Variants in SLC24A2 observed in about 807,000 individuals in gnomAD.
SLC24A2 encodes the protein solute carrier family 24 member 2.
Under a neutral mutation model 62.0 loss-of-function variants are expected in SLC24A2, and 36 were observed. That is an observed-to-expected ratio of 0.58 (90% confidence interval 0.44 to 0.77). The LOEUF (loss-of-function observed/expected upper bound fraction) is 0.77. Ranked by LOEUF, SLC24A2 falls within the 30% of genes least tolerant of loss-of-function variation. The pLI, the probability that SLC24A2 is intolerant of heterozygous loss-of-function variation, is 0.00. For synonymous variants in SLC24A2, 358 were observed against 294.0 expected (o/e 1.22, Z -2.23); for missense variants, 846 against 817.9 (o/e 1.03, Z -0.42).
chr9:19,983,849 C>T, the SLC24A2 span, among the ~76,000 whole-genome samples: 7 of 152,102 alleles, frequency 4.6e-5, no homozygotes, highest in African/African-American at 1.7e-4. Flanking sequence ...CAAAACATTG[C>T]TGAAATAAAT....
chr9:19,691,910 C>T (rs1357690242), intron 2 of SLC24A2, among the ~76,000 whole-genome samples: 4 of 152,086 alleles, frequency 2.6e-5, no homozygotes, highest in Middle Eastern at 3.2e-3. Context: ...TCTACCCCTC[C>T]CCTCTGCTCA....
At chr9:19,852,079 C>A in the SLC24A2 span, among the ~76,000 whole-genome samples, 1 of 152,184 alleles carries the variant, frequency 6.6e-6, no homozygotes, top group Non-Finnish European at 1.5e-5. Flanking sequence ...CTCTAATGAT[C>A]AGTGACGTTG....
the SLC24A2 span, among the ~76,000 whole-genome samples, chr9:20,189,150 G>T: frequency 6.7e-6 from 1 of 149,162 alleles, no homozygotes; most frequent in African/African-American, 2.5e-5. Context: ...TCGGGATGTT[G>T]GTTGGGAAAA....
chr9:20,105,925 G>C, the SLC24A2 span, among the ~76,000 whole-genome samples: 2 of 152,078 alleles, frequency 1.3e-5, no homozygotes, highest in African/African-American at 4.8e-5. Context: ...TTTTTGAAAG[G>C]ATCAACAAAA....
the SLC24A2 span, among the ~76,000 whole-genome samples, chr9:20,069,997 C>T: frequency 4.6e-5 from 7 of 152,216 alleles, no homozygotes; most frequent in East Asian, 1.9e-4. Context: ...ATTATGCCAC[C>T]GTCTTCATCA....
the SLC24A2 span, among the ~76,000 whole-genome samples, chr9:20,091,592 T>C: frequency 2.0e-5 from 3 of 152,150 alleles, no homozygotes; most frequent in African/African-American, 7.2e-5. Context: ...AAGAATTTTA[T>C]ATCTACTAAA....
chr9:20,219,234 G>T, the SLC24A2 span, among the ~76,000 whole-genome samples: 4 of 152,252 alleles, frequency 2.6e-5, no homozygotes, highest in Admixed American at 1.3e-4. Context: ...CTAGTGAGAT[G>T]AGCTGAGGGA....
chr9:20,106,378 G>A, the SLC24A2 span, among the ~76,000 whole-genome samples: 5 of 152,158 alleles, frequency 3.3e-5, no homozygotes, highest in South Asian at 6.2e-4. Flanking sequence ...TACCAAAGCC[G>A]GGCAGAGACA....
chr9:19,550,097 A>G, intron 8 of SLC24A2, 40 bp downstream of exon 8: 15 of 1,602,000 alleles, frequency 9.4e-6, no homozygotes, highest in Non-Finnish European at 1.3e-5. Flanking sequence ...TATGTACCAT[A>G]TGTTTTACAA....
At chr9:19,980,164 G>A in the SLC24A2 span, among the ~76,000 whole-genome samples, 2 of 152,170 alleles carry the variant, frequency 1.3e-5, no homozygotes, top group Non-Finnish European at 2.9e-5. Flanking sequence ...GGTGGAAAAG[G>A]AGAGAATCAA....
the SLC24A2 span, among the ~76,000 whole-genome samples, chr9:19,956,778 G>T: frequency 6.6e-6 from 1 of 152,184 alleles, no homozygotes; most frequent in Non-Finnish European, 1.5e-5. Context: ...TACAATTAGA[G>T]ATGAGATTTG....
intron 2 of SLC24A2, among the ~76,000 whole-genome samples, chr9:19,668,466 C>A (rs573734930): frequency 6.6e-6 from 1 of 152,286 alleles, no homozygotes; most frequent in Admixed American, 6.5e-5. Context: ...TACCTGCATG[C>A]CTATGCTCAA....
the SLC24A2 span, among the ~76,000 whole-genome samples, chr9:20,188,548 G>C: frequency 2.0e-5 from 3 of 152,110 alleles, no homozygotes; most frequent in Admixed American, 6.5e-5. Context: ...ATGGTGAAAA[G>C]GGCTTGAAAA....
the SLC24A2 span, among the ~76,000 whole-genome samples, chr9:20,243,754 T>C: frequency 1.3e-5 from 2 of 152,256 alleles, 1 homozygote; most frequent in South Asian, 4.2e-4. Flanking sequence ...ATGGGGGTGA[T>C]GCCATATGAC....
At chr9:19,988,703 G>A in the SLC24A2 span, among the ~76,000 whole-genome samples, 4 of 152,144 alleles carry the variant, frequency 2.6e-5, no homozygotes, top group Non-Finnish European at 5.9e-5. Flanking sequence ...CACAGAGGTG[G>A]TTCTGCTTTT....
the SLC24A2 span, among the ~76,000 whole-genome samples, chr9:19,984,313 G>A: frequency 6.6e-6 from 1 of 152,072 alleles, no homozygotes; most frequent in Non-Finnish European, 1.5e-5. Context: ...GAATATTGGA[G>A]GACTCACACT....
chr9:19,645,372 G>A (rs1384041653), intron 2 of SLC24A2, among the ~76,000 whole-genome samples: 1 of 152,110 alleles, frequency 6.6e-6, no homozygotes, highest in African/African-American at 2.4e-5. Context: ...ATAGTATGCT[G>A]CATAGTTACA....
the SLC24A2 span, among the ~76,000 whole-genome samples, chr9:20,047,771 A>G: frequency 6.6e-6 from 1 of 151,376 alleles, no homozygotes; most frequent in Non-Finnish European, 1.5e-5. Context: ...TCACTTCTCC[A>G]AAGCCCCACC....
the SLC24A2 span, among the ~76,000 whole-genome samples, chr9:20,208,724 A>G: frequency 6.6e-6 from 1 of 152,308 alleles, no homozygotes; most frequent in East Asian, 1.9e-4. Flanking sequence ...ATAGACCCCC[A>G]TCTAGGCTAC....
Sources: allele counts gnomAD v4.1 joint callset (sites outside exome capture counted in the v4.1 genomes callset), GRCh38; gene constraint gnomAD v4.1.1; transcripts MANE v1.5; gene names NCBI Gene and HGNC (gene_info 2026-07-23, HGNC 2026-07-21).